CDC45: variants seen among roughly 807,000 people sequenced by gnomAD.
The protein encoded by CDC45 is cell division control protein 45 homolog.
A neutral mutation model predicts 77.8 loss-of-function variants in CDC45; 54 were observed. The ratio of observed to expected loss-of-function variants is 0.69; its 90% CI spans 0.56 to 0.87. CDC45 has a LOEUF of 0.87. Ranked by LOEUF, CDC45 falls within the 40% of genes least tolerant of loss-of-function variation. The pLI, the probability that CDC45 is intolerant of heterozygous loss-of-function variation, is 0.00. For synonymous variants in CDC45, 260 were observed against 272.1 expected (o/e 0.96, Z 0.44); for missense variants, 649 against 721.6 (o/e 0.90, Z 1.15).
At chr22:19,482,889 C>G in intron 4 of CDC45, 62 bp downstream of exon 4, 1 of 1,502,064 alleles carries the variant, frequency 6.7e-7, no homozygotes, top group Non-Finnish European at 9.2e-7. Context: ...AATGTCTCAC[C>G]TGGTGTTCTT....
At chr22:19,507,272 G>A (rs1342000815) in intron 10 of CDC45, 114 bp from the exon 11 acceptor site, 8 of 1,301,520 alleles carry the variant, frequency 6.1e-6, no homozygotes, top group African/African-American at 4.4e-5. Context: ...ACCTGGTTTT[G>A]CAGGCAGGCC....
intron 9 of CDC45, among the ~76,000 whole-genome samples, chr22:19,501,197 A>G (rs1187376172): frequency 6.6e-6 from 1 of 151,874 alleles, no homozygotes; most frequent in Non-Finnish European, 1.5e-5. Context: ...AACAAACCAA[A>G]ACAAACAAAA....
intron 9 of CDC45, among the ~76,000 whole-genome samples, chr22:19,502,876 T>C (rs546644526): frequency 6.6e-6 from 1 of 152,250 alleles, no homozygotes; most frequent in South Asian, 2.1e-4. Context: ...AGTAGCTTAA[T>C]AATACCAGAT....
At chr22:19,485,209 A>C (rs1194240452) in intron 5 of CDC45, among the ~76,000 whole-genome samples, 1 of 152,122 alleles carries the variant, frequency 6.6e-6, no homozygotes, top group Non-Finnish European at 1.5e-5. Flanking sequence ...ATTTCCCGGG[A>C]AACATTCATG....
At chr22:19,508,914 CT>C (rs1568932449) in intron 13 of CDC45, among the ~76,000 whole-genome samples, 1 of 151,938 alleles carries the variant, frequency 6.6e-6, no homozygotes, top group South Asian at 2.1e-4. Flanking sequence ...GCTTTTTTTT[CT>C]TTTTGATTTT....
chr22:19,516,396 A>G, intron 15 of CDC45, 131 bp from the exon 16 acceptor site: 1 of 741,610 alleles, frequency 1.3e-6, no homozygotes, highest in Non-Finnish European at 2.4e-6. Flanking sequence ...GTGGGGACCA[A>G]GGCGTCTCCT....
Position 19,485,488 on chromosome 22 carries a change from G to A in CDC45, c.486+1483G>A, listed in dbSNP as rs2090052793. 3.3e-5 allele frequency among the ~76,000 whole-genome samples: 5 copies of A among 152,318 alleles called. No homozygotes were observed. The South Asian group carries it at 1.0e-3, about 32-fold the overall frequency. ...CATCCATAGACACTGCAGCTCTGAG[G>A]TGGGAAGGAAAGTTTCAAGGAAGGC... On this transcript the variant is annotated intron_variant, in intron 5 of 18. Transcript: ENST00000263201.
At chr22:19,502,227 C>A (rs893942188) in intron 9 of CDC45, among the ~76,000 whole-genome samples, 1 of 152,132 alleles carries the variant, frequency 6.6e-6, no homozygotes, top group African/African-American at 2.4e-5. Flanking sequence ...AGTCCTGACA[C>A]CCTAAATATC....
At position 19,505,446 on chromosome 22, in the gene CDC45, C is replaced by T. The variant is rs376123347; in HGVS notation, c.789C>T (p.Leu263=). The T allele has an allele frequency of 2.5e-6, 4 of 1,613,964 alleles. No individual in the cohort carries two copies. The African/African-American group carries it at 4.0e-5, about 16-fold the overall frequency. ...NHRNEDEENT[L]SVDCTRISFE... ...GGAACGAGGATGAGGAGAACACACT[C>T]TCCGTGGACTGCACACGGATCTCCT... is the stretch of plus-strand genomic sequence containing the variant. Residue 263 remains leucine (L), a synonymous_variant, in exon 10 of 19, where the codon CTC becomes CTT. Coordinates refer to ENST00000263201, the MANE Select transcript of CDC45 (RefSeq NM_003504.5).
chr22:19,514,127 G>T (rs1339277158), intron 13 of CDC45, among the ~76,000 whole-genome samples: 4 of 152,126 alleles, frequency 2.6e-5, no homozygotes, highest in African/African-American at 7.2e-5. Context: ...TTTCTTCAGG[G>T]TTATTTTTTT....
intron 13 of CDC45, among the ~76,000 whole-genome samples, chr22:19,511,575 C>T (rs550186019): frequency 6.6e-6 from 1 of 152,224 alleles, no homozygotes; most frequent in African/African-American, 2.4e-5. Context: ...AGCAGTCTTC[C>T]AGCCTTGGCC....
intron 9 of CDC45, among the ~76,000 whole-genome samples, chr22:19,501,020 T>C (rs1227426937): frequency 6.6e-6 from 1 of 151,952 alleles, no homozygotes; most frequent in Non-Finnish European, 1.5e-5. Flanking sequence ...CTACTAAGAA[T>C]AGAAAAATTA....
At chr22:19,484,421 G>T (rs1442160831) in intron 5 of CDC45, among the ~76,000 whole-genome samples, 1 of 152,212 alleles carries the variant, frequency 6.6e-6, no homozygotes, top group Admixed American at 6.5e-5. Context: ...GACAATTACT[G>T]CAGGGGAGGT....
At chr22:19,489,719 G>C (rs529851397) in intron 5 of CDC45, among the ~76,000 whole-genome samples, 1 of 152,316 alleles carries the variant, frequency 6.6e-6, no homozygotes, top group African/African-American at 2.4e-5. Context: ...TTAAAATACA[G>C]TATCATTTGC....
chr22:19,480,934 G>C lies in CDC45; in HGVS notation c.112-19G>C. The C allele has an allele frequency of 6.4e-7, 1 of 1,555,960 alleles. No individual in the cohort carries two copies. The highest frequency in any genetic ancestry group is 8.8e-7 in the Non-Finnish European group (1 of 1,132,396). Reference sequence around the variant, plus strand: ...TAATGTCCTAAATAAGATAGGCTTTGAAAACACTCTCTCTCCAGGCCTTGT... The same window carrying C: ...TAATGTCCTAAATAAGATAGGCTTTCAAAACACTCTCTCTCCAGGCCTTGT... On this transcript the variant is annotated intron_variant, in intron 2 of 18. Coordinates refer to ENST00000263201, the MANE Select transcript of CDC45 (RefSeq NM_003504.5).
At chr22:19,501,112 G>A (rs972147823) in intron 9 of CDC45, among the ~76,000 whole-genome samples, 4 of 152,134 alleles carry the variant, frequency 2.6e-5, no homozygotes, top group African/African-American at 4.8e-5. Flanking sequence ...CCCAGGAGGC[G>A]GAGGCTGCGG....
In CDC45 at chr22:19,514,895, T is replaced by A. The variant is rs935322117; in HGVS notation, c.1356+8T>A. 1 of 1,614,236 alleles carries A rather than the reference T, an allele frequency of 6.2e-7. No individual in the cohort carries two copies. Among genetic ancestry groups the A allele is most frequent in the Admixed American group, 1.7e-5 (1 of 60,028 alleles). ...TACTGCTCTCTCATGGAGGTCAGGCTTCCCACAGAGCACAGGCGCCTGGTC... is the reference window on the plus strand; with the variant it reads ...TACTGCTCTCTCATGGAGGTCAGGCATCCCACAGAGCACAGGCGCCTGGTC... On this transcript the variant is annotated splice_region_variant and intron_variant, in intron 14 of 18. Transcript: ENST00000263201.
intron 13 of CDC45, among the ~76,000 whole-genome samples, chr22:19,513,454 C>T (rs1197013456): frequency 6.6e-6 from 1 of 152,072 alleles, no homozygotes; most frequent in Non-Finnish European, 1.5e-5. Flanking sequence ...TTTTTAATTG[C>T]CTCCTTTATC....
chr22:19,482,077 G>A (rs1281145592), intron 3 of CDC45, among the ~76,000 whole-genome samples: 1 of 152,146 alleles, frequency 6.6e-6, no homozygotes, highest in African/African-American at 2.4e-5. Context: ...TCTGCATGGG[G>A]CCAAATGAGA....
Sources: allele counts gnomAD v4.1 joint callset (sites outside exome capture counted in the v4.1 genomes callset), GRCh38; gene constraint gnomAD v4.1.1; transcripts MANE v1.5; gene names NCBI Gene and HGNC (gene_info 2026-07-23, HGNC 2026-07-21).